POM121: variants seen among roughly 807,000 people sequenced by gnomAD.
POM121 encodes the protein POM121 transmembrane nucleoporin.
A neutral mutation model predicts 81.3 loss-of-function variants in POM121; 32 were observed. That is an observed-to-expected ratio of 0.39 (90% CI 0.30 to 0.53). POM121 has a LOEUF of 0.53. POM121 is among the 20% of genes least tolerant of loss of function. The pLI is 0.66. For synonymous variants in POM121, 514 were observed against 694.2 expected (o/e 0.74, Z 4.08); for missense variants, 1,138 against 1,614.6 (o/e 0.70, Z 5.06).
At chr7:72,889,452 C>T (rs753375619) in intron 1 of POM121, among the ~76,000 whole-genome samples, 58 of 152,054 alleles carry the variant, frequency 3.8e-4, no homozygotes, top group Admixed American at 7.2e-4. Context: ...CCTGTAATCC[C>T]AATACTTTGG....
At chr7:72,934,469 C>G (rs1796322962) in intron 5 of POM121, among the ~76,000 whole-genome samples, 1 of 152,070 alleles carries the variant, frequency 6.6e-6, no homozygotes, top group African/African-American at 2.4e-5. Context: ...TGTGTTGCAA[C>G]AAAAAAGTGT....
At chr7:72,937,596 A>C (rs1221074724) in intron 5 of POM121, among the ~76,000 whole-genome samples, 2 of 152,144 alleles carry the variant, frequency 1.3e-5, no homozygotes, top group Non-Finnish European at 2.9e-5. Context: ...ACTCTTATTA[A>C]GCATTGCTGG....
rs1796763857 is a variant in POM121, at chr7:72,938,708, A to G, written c.1367+27A>G. The G allele has an allele frequency of 3.7e-6, 6 of 1,608,198 alleles. No homozygotes were observed. The Admixed American group carries it at 5.0e-5, about 13-fold the overall frequency. On this transcript the variant is annotated intron_variant, in intron 6 of 12. Transcript: ENST00000434423. ...TACTTGGCATTCTCCTGCAGTTTTC[A>G]TTTGCTGCGTGGACAGGCGGGGGTG... is the stretch of plus-strand genomic sequence containing the variant.
chr7:72,913,543 C>T (rs1216486034), intron 3 of POM121, among the ~76,000 whole-genome samples: 3 of 152,162 alleles, frequency 2.0e-5, no homozygotes, highest in Non-Finnish European at 2.9e-5. Flanking sequence ...GTCTAGCCTC[C>T]GTGTTCCTGG....
chr7:72,950,035 C>G, downstream of POM121: 2 of 1,549,122 alleles, frequency 1.3e-6, no homozygotes, highest in South Asian at 1.1e-5. Context: ...CACATTCTTC[C>G]CTTTTCTATT....
intron 2 of POM121, chr7:72,890,834 T>G: frequency 6.8e-7 from 1 of 1,470,490 alleles, no homozygotes; most frequent in Non-Finnish European, 9.5e-7. Context: ...GACAACACCA[T>G]TTAATTCCTT....
chr7:72,920,646 G>A (rs1554495883), upstream of POM121, among the ~76,000 whole-genome samples: 1 of 151,994 alleles, frequency 6.6e-6, no homozygotes, highest in African/African-American at 2.4e-5. Flanking sequence ...GAGCCACCGT[G>A]CCCAGCCAAT....
chr7:72,930,542 G>T (rs1377565243), intron 5 of POM121, among the ~76,000 whole-genome samples: 1 of 152,246 alleles, frequency 6.6e-6, no homozygotes, highest in African/African-American at 2.4e-5. Context: ...GGTAGACTGA[G>T]TCCAGCTTGT....
At chr7:72,888,375 T>C (rs550682298) in intron 1 of POM121, among the ~76,000 whole-genome samples, 9 of 152,268 alleles carry the variant, frequency 5.9e-5, no homozygotes, top group African/African-American at 2.2e-4. Context: ...ATTTTGTCGT[T>C]GTTTTTGGAT....
intron 1 of POM121, among the ~76,000 whole-genome samples, chr7:72,882,859 T>G (rs1225331328): frequency 6.6e-6 from 1 of 152,228 alleles, no homozygotes; most frequent in Non-Finnish European, 1.5e-5. Context: ...AGTGATTTAA[T>G]TGCAGTCAAA....
At chr7:72,901,457 C>T (rs1275510115) in intron 3 of POM121, among the ~76,000 whole-genome samples, 3 of 151,492 alleles carry the variant, frequency 2.0e-5, no homozygotes, top group Admixed American at 6.6e-5. Context: ...TGGGTTCAAG[C>T]GATTCTCCTG....
intron 5 of POM121, among the ~76,000 whole-genome samples, chr7:72,937,836 A>C (rs1488688443): frequency 6.6e-6 from 1 of 151,436 alleles, no homozygotes; most frequent in Non-Finnish European, 1.5e-5. Flanking sequence ...CTGGTGGAAG[A>C]GGCAGATGTA....
At chr7:72,926,649 A>G (rs1413355127) in intron 2 of POM121, among the ~76,000 whole-genome samples, 153 bp from the exon 3 acceptor site, 1 of 152,250 alleles carries the variant, frequency 6.6e-6, no homozygotes, top group African/African-American at 2.4e-5. Context: ...CTCTTAACGA[A>G]AAAGTAGCTT....
rs186995275 is a variant in POM121 at position 72,926,513 on chromosome 7, C to T, written c.860+36C>T. ...TCGTTGGAAGAATACTCTCCCTTTT[C>T]GTGTCCACTTTATTCTTCTCCAGTT... On this transcript the variant is annotated intron_variant, in intron 2 of 12. Coordinates refer to ENST00000434423, the MANE Select transcript of POM121 (RefSeq NM_001387691.1). 801 of 1,611,638 alleles carry T rather than the reference C, an allele frequency of 5.0e-4. 7 individuals carry two copies. The African/African-American group carries it at 9.9e-3, about 20-fold the overall frequency.
chr7:72,904,294 A>G (rs1343209747), intron 3 of POM121, among the ~76,000 whole-genome samples: 3 of 152,336 alleles, frequency 2.0e-5, no homozygotes, highest in Middle Eastern at 6.8e-3. Context: ...CGAATTTCCC[A>G]TAGAAACTCT....
intron 1 of POM121, among the ~76,000 whole-genome samples, chr7:72,881,944 T>C (rs1310006155): frequency 2.0e-5 from 3 of 152,192 alleles, no homozygotes; most frequent in Admixed American, 2.0e-4. Context: ...ATTCATACTT[T>C]AAAATGGGAA....
At chr7:72,884,492 TATATTTGATAG>T (rs1790483873) in intron 1 of POM121, among the ~76,000 whole-genome samples, 2 of 37,380 alleles carry the variant, frequency 5.4e-5, no homozygotes, top group Admixed American at 2.6e-4. Flanking sequence ...ACATATAATA[TATATTTGATAG>T]CAAATATATA....
intron 3 of POM121, among the ~76,000 whole-genome samples, chr7:72,892,786 C>T (rs1171605455): frequency 9.9e-5 from 15 of 151,936 alleles, no homozygotes; most frequent in Admixed American, 4.6e-4. Flanking sequence ...CTGCCTCAGC[C>T]TCCCAAAGTA....
At chr7:72,919,028 T>C (rs2129576967) in intron 4 of POM121, among the ~76,000 whole-genome samples, 2 of 152,236 alleles carry the variant, frequency 1.3e-5, no homozygotes, top group Middle Eastern at 6.8e-3. Flanking sequence ...CTCGATCTCC[T>C]GACCTTGTGA....
Sources: allele counts gnomAD v4.1 joint callset (sites outside exome capture counted in the v4.1 genomes callset), GRCh38; gene constraint gnomAD v4.1.1; transcripts MANE v1.5; gene names NCBI Gene and HGNC (gene_info 2026-07-23, HGNC 2026-07-21).